C2orf49: variants seen among roughly 807,000 people sequenced by gnomAD.
C2orf49 encodes the protein tRNA splicing ligase complex subunit 2.
A neutral mutation model predicts 20.6 loss-of-function variants in C2orf49; 11 were observed. The observed-to-expected ratio is 0.53, with a 90% CI of 0.34 to 0.88. The LOEUF (loss-of-function observed/expected upper bound fraction) is 0.88, where lower values mean the gene tolerates loss of function less well. Ranked by LOEUF, C2orf49 falls within the 40% of genes least tolerant of loss-of-function variation. The pLI is 0.02. For synonymous variants in C2orf49, 134 were observed against 108.5 expected (o/e 1.24, Z -1.46); for missense variants, 289 against 274.2 (o/e 1.05, Z -0.38).
At chr2:105,359,167 A>T in the C2orf49 span, 1 of 151,974 alleles carries the variant, frequency 6.6e-6, no homozygotes, top group South Asian at 2.1e-4. Flanking sequence ...AATTAGTCCA[A>T]TTGGAGCTAT....
At chr2:105,370,500 A>G in the C2orf49 span, among the ~76,000 whole-genome samples, 3 of 152,136 alleles carry the variant, frequency 2.0e-5, no homozygotes, top group South Asian at 4.1e-4. Context: ...GGGGCGCGAG[A>G]GCCGGTAAAC....
chr2:105,358,144 GC>G, the C2orf49 span: 1 of 152,188 alleles, frequency 6.6e-6, no homozygotes, highest in Non-Finnish European at 1.5e-5. Context: ...GGAGTTACCA[GC>G]CCCTTCCTTA....
chr2:105,372,736 T>C, the C2orf49 span, among the ~76,000 whole-genome samples: 1 of 151,658 alleles, frequency 6.6e-6, no homozygotes, highest in Admixed American at 6.6e-5. Context: ...TTGCAGTGAG[T>C]CAAGATTGCA....
Position 105,339,759 on chromosome 2 carries a change from G to C in C2orf49, c.266+10G>C. ...AAAATGAGACTAAAAGGTACTTTTTGGTGGTTCTAGCTTTCAATTTATCTT... is the reference window on the plus strand; with the variant it reads ...AAAATGAGACTAAAAGGTACTTTTTCGTGGTTCTAGCTTTCAATTTATCTT... On this transcript the variant is annotated intron_variant, in intron 2 of 3. Transcript: ENST00000258457. 1 of 1,573,040 alleles carries C rather than the reference G, an allele frequency of 6.4e-7. No homozygotes were observed. The highest frequency in any genetic ancestry group is 8.6e-7 in the Non-Finnish European group (1 of 1,165,606).
intron 2 of C2orf49, among the ~76,000 whole-genome samples, chr2:105,341,839 T>C (rs1253344440): frequency 1.3e-5 from 2 of 152,250 alleles, no homozygotes; most frequent in East Asian, 3.9e-4. Flanking sequence ...ATGTTCTTCC[T>C]GATAACTGGC....
chr2:105,344,584 G>A (rs1376766019), intron 3 of C2orf49, among the ~76,000 whole-genome samples: 1 of 151,632 alleles, frequency 6.6e-6, no homozygotes, highest in Non-Finnish European at 1.5e-5. Flanking sequence ...TTTTTGTTGT[G>A]TTGTTTGTTT....
At chr2:105,368,745 AG>A in the C2orf49 span, among the ~76,000 whole-genome samples, 1 of 152,226 alleles carries the variant, frequency 6.6e-6, no homozygotes, top group Non-Finnish European at 1.5e-5. Context: ...ATCTATTTAT[AG>A]TAACGGATGA....
chr2:105,361,145 A>G, the C2orf49 span: 2 of 859,296 alleles, frequency 2.3e-6, no homozygotes, highest in Non-Finnish European at 3.6e-6. Flanking sequence ...GTTTAAGCAA[A>G]CGTGAGTATC....
In C2orf49 at chr2:105,339,769, G is replaced by C; in HGVS notation, c.266+20G>C. The C allele has an allele frequency of 1.3e-6, 2 of 1,554,350 alleles. No homozygotes were observed. The highest frequency in any genetic ancestry group is 1.7e-6 in the Non-Finnish European group (2 of 1,156,760). On this transcript the variant is annotated intron_variant, in intron 2 of 3. Coordinates refer to ENST00000258457, the MANE Select transcript of C2orf49 (RefSeq NM_024093.3). ...TAAAAGGTACTTTTTGGTGGTTCTA[G>C]CTTTCAATTTATCTTATATAACTAA...
chr2:105,361,643 T>G, the C2orf49 span, among the ~76,000 whole-genome samples: 1 of 152,190 alleles, frequency 6.6e-6, no homozygotes, highest in African/African-American at 2.4e-5. Context: ...AAGAGATATA[T>G]AAACTGGTTC....
chr2:105,359,698 T>G, the C2orf49 span: 1 of 152,212 alleles, frequency 6.6e-6, no homozygotes, highest in Non-Finnish European at 1.5e-5. Flanking sequence ...GAATGTTATT[T>G]TTACTGTAAT....
chr2:105,345,308 C>CTG lies in C2orf49; in HGVS notation c.643-6_643-5insGT. The CTG allele has an allele frequency of 6.2e-7, 1 of 1,609,400 alleles. No homozygotes were observed. The highest frequency in any genetic ancestry group is 1.1e-5 in the South Asian group (1 of 89,678). ...AGTATAAACTGATTTCTGTTCATGT[C>CTG]TTTCAGAATAACCTGAAGCCCCCAC... On this transcript the variant is annotated splice_polypyrimidine_tract_variant and splice_region_variant and intron_variant, in intron 3 of 3. Coordinates refer to ENST00000258457, the MANE Select transcript of C2orf49 (RefSeq NM_024093.3).
At chr2:105,353,158 C>T (rs1679978235), downstream of C2orf49, among the ~76,000 whole-genome samples, 1 of 152,084 alleles carries the variant, frequency 6.6e-6, no homozygotes, top group Non-Finnish European at 1.5e-5. Flanking sequence ...AAATCACTTC[C>T]ATAATAACTG....
chr2:105,372,604 C>T, the C2orf49 span, among the ~76,000 whole-genome samples: 2 of 152,122 alleles, frequency 1.3e-5, no homozygotes, highest in African/African-American at 4.8e-5. Flanking sequence ...AGCAAACCAA[C>T]ATGATGAAAC....
the C2orf49 span, among the ~76,000 whole-genome samples, chr2:105,365,425 G>A: frequency 6.6e-6 from 1 of 152,338 alleles, no homozygotes; most frequent in East Asian, 1.9e-4. Flanking sequence ...CATCCCAGAA[G>A]GATGTGTTGC....
At chr2:105,363,175 C>T in the C2orf49 span, 1 of 1,029,072 alleles carries the variant, frequency 9.7e-7, no homozygotes, top group Non-Finnish European at 1.5e-6. Flanking sequence ...TGTTCAGAGC[C>T]TTAGGGAGGT....
At chr2:105,371,092 T>C in the C2orf49 span, among the ~76,000 whole-genome samples, 2 of 152,138 alleles carry the variant, frequency 1.3e-5, no homozygotes, top group African/African-American at 4.8e-5. Context: ...TCTTATCTGA[T>C]CATGTTTTTC....
At chr2:105,377,706 C>T in the C2orf49 span, 2 of 205,426 alleles carry the variant, frequency 9.7e-6, no homozygotes, top group Non-Finnish European at 2.0e-5. Flanking sequence ...TTACCTCTGT[C>T]CCCCTGTGCA....
At chr2:105,382,109 T>C in the C2orf49 span, among the ~76,000 whole-genome samples, 2 of 152,244 alleles carry the variant, frequency 1.3e-5, no homozygotes, top group Non-Finnish European at 2.9e-5. Flanking sequence ...TTCTGTCCAT[T>C]ACCAAACATT....
Sources: allele counts gnomAD v4.1 joint callset (sites outside exome capture counted in the v4.1 genomes callset), GRCh38; gene constraint gnomAD v4.1.1; transcripts MANE v1.5; gene names NCBI Gene and HGNC (gene_info 2026-07-23, HGNC 2026-07-21).